Variants in ABI3BP observed in about 807,000 individuals in gnomAD.
ABI3BP encodes ABI family member 3 binding protein, also known as target of Nesh-SH3.
In ABI3BP, 216 loss-of-function variants were observed where a neutral mutation model predicts 268.6. The observed-to-expected ratio is 0.80, with a 90% CI of 0.72 to 0.90. The LOEUF (loss-of-function observed/expected upper bound fraction) is 0.90. Among genes scored for constraint, ABI3BP ranks in the 40% least tolerant of loss-of-function variants. ABI3BP has a pLI of 0.00. For missense variants in ABI3BP, 2,090 were observed against 2,182.4 expected (o/e 0.96, Z 0.84); for synonymous variants, 730 against 730.0 (o/e 1.00, Z 0.00).
chr3:100,847,756 T>C, intron 18 of ABI3BP, 83 bp from the exon 19 acceptor site: 1 of 1,163,402 alleles, frequency 8.6e-7, no homozygotes, highest in East Asian at 2.3e-5. Flanking sequence ...AATGATCCAT[T>C]TAAAATCCTG....
In ABI3BP at chr3:100,754,836, G is replaced by A. The variant is rs530364099; in HGVS notation, c.4851-145C>T. On this transcript the variant is annotated intron_variant, in intron 63 of 67. Transcript: ENST00000471714. The stretch of plus-strand genomic sequence containing the variant: ...GTAACATATGTTCCAGAAGCAGGTT[G>A]AGGAAAGAAAAATGATTTCTTAGTT... 1.9e-5 allele frequency: 13 copies of A among 690,296 alleles called. No individual in the cohort carries two copies. The South Asian group carries it at 2.4e-4, about 13-fold the overall frequency. The allele number at this position is 690,296 out of a possible 1,614,324, so 42.8% of individuals were successfully genotyped here. A position where few individuals can be genotyped will look rare whatever the true frequency, so the allele number is the denominator to read the frequency against.
At chr3:100,835,760 C>A (rs1389735061) in intron 27 of ABI3BP, 100 bp from the exon 28 acceptor site, 3 of 938,594 alleles carry the variant, frequency 3.2e-6, no homozygotes, top group Admixed American at 2.6e-5. Flanking sequence ...GTTTTAAATA[C>A]ATTTCTGAAC....
chr3:100,916,519 C>T (rs1307768159), intron 2 of ABI3BP, among the ~76,000 whole-genome samples: 1 of 152,162 alleles, frequency 6.6e-6, no homozygotes, highest in Non-Finnish European at 1.5e-5. Context: ...ATTTCTTAAC[C>T]TCTTGGGGAC....
intron 6 of ABI3BP, among the ~76,000 whole-genome samples, chr3:100,877,682 T>A (rs1478452140): frequency 6.6e-6 from 1 of 152,056 alleles, no homozygotes; most frequent in Non-Finnish European, 1.5e-5. Flanking sequence ...CACAGGAGAA[T>A]TAGAGTTGAG....
intron 1 of ABI3BP, among the ~76,000 whole-genome samples, chr3:100,988,162 A>G (rs2092291931): frequency 6.6e-6 from 1 of 152,146 alleles, no homozygotes; most frequent in South Asian, 2.1e-4. Context: ...TCCCATAAGC[A>G]TCAACCACCT....
chr3:100,896,162 TTGTGA>T (rs1238509208), intron 4 of ABI3BP, among the ~76,000 whole-genome samples: 8 of 152,178 alleles, frequency 5.3e-5, no homozygotes, highest in African/African-American at 1.9e-4. Flanking sequence ...ATTTTGAATA[TTGTGA>T]TGTGATGTGC....
intron 27 of ABI3BP, 48 bp from the exon 28 acceptor site, chr3:100,835,708 AAACAAAGTTATTTTG>A: frequency 1.4e-6 from 2 of 1,383,114 alleles, no homozygotes; most frequent in Non-Finnish European, 2.0e-6. Flanking sequence ...AAATACAGAA[AAACAAAGTTATTTTG>A]AAAATGAATC....
chr3:100,842,052 C>G lies in ABI3BP; in HGVS notation c.1724-13G>C. ...TGAGGTTCTGGGGCTGTAATAAAAG[C>G]AAGTAATATCAAAAGCAATGCTGAA... On this transcript the variant is annotated splice_polypyrimidine_tract_variant and intron_variant, in intron 20 of 67. Coordinates refer to ENST00000471714, the MANE Select transcript of ABI3BP (RefSeq NM_001375547.2). 2.0e-6 allele frequency: 3 copies of G among 1,531,136 alleles called. No homozygotes were observed. Among genetic ancestry groups the G allele is most frequent in the Non-Finnish European group, 2.6e-6 (3 of 1,142,630 alleles). 94.8% of individuals were successfully genotyped at this position (1,531,136 alleles called of 1,614,324 possible).
intron 61 of ABI3BP, among the ~76,000 whole-genome samples, chr3:100,774,291 A>T (rs2096638397): frequency 6.6e-6 from 1 of 152,090 alleles, no homozygotes; most frequent in Admixed American, 6.6e-5. Context: ...TTGATTTTGC[A>T]TTATTACGAA....
chr3:100,836,704 T>C (rs558245939), intron 27 of ABI3BP, among the ~76,000 whole-genome samples: 2 of 152,312 alleles, frequency 1.3e-5, no homozygotes, highest in East Asian at 1.9e-4. Context: ...AAAGGACTTT[T>C]GTGAGAAAGA....
chr3:100,819,177 T>A (rs1157662020), intron 40 of ABI3BP, among the ~76,000 whole-genome samples: 2 of 152,160 alleles, frequency 1.3e-5, no homozygotes, highest in Non-Finnish European at 2.9e-5. Context: ...CTTCAAGGAC[T>A]TTCTTCAACT....
chr3:100,886,280 ACTT>A lies in ABI3BP; in HGVS notation c.502_504del (p.Lys168del). On this transcript the variant is annotated inframe_deletion, in exon 5 of 68. Transcript: ENST00000471714. ...GTGGCTGGACAGATTTGAAAAATCC[ACTT>A]CTTTTCTTTATCCTTTTCTCGATAG... 4 of 1,608,616 alleles carry A rather than the reference ACTT, an allele frequency of 2.5e-6. No individual in the cohort carries two copies. Among genetic ancestry groups the A allele is most frequent in the Non-Finnish European group, 3.4e-6 (4 of 1,177,132 alleles).
At chr3:100,844,016 A>G (rs2098739353) in intron 20 of ABI3BP, 1 of 982,784 alleles carries the variant, frequency 1.0e-6, no homozygotes, top group East Asian at 1.1e-4. Flanking sequence ...TCAATTGCAC[A>G]TAAAAACAGT....
intron 6 of ABI3BP, 34 bp from the exon 7 acceptor site, chr3:100,876,594 C>A: frequency 6.3e-7 from 1 of 1,590,800 alleles, no homozygotes; most frequent in South Asian, 1.1e-5. Context: ...ACTTTTGAGT[C>A]ATTGTGAATA....
At chr3:100,860,313 A>G (rs1434698655) in intron 14 of ABI3BP, among the ~76,000 whole-genome samples, 1 of 152,216 alleles carries the variant, frequency 6.6e-6, no homozygotes, top group African/African-American at 2.4e-5. Flanking sequence ...GCAATCACAT[A>G]CTGTACTGTT....
At chr3:100,770,722 G>C in intron 62 of ABI3BP, 21 bp downstream of exon 62, 1 of 1,450,746 alleles carries the variant, frequency 6.9e-7, no homozygotes, top group Middle Eastern at 2.1e-4. Context: ...CACCATAACA[G>C]TCCTCATGCC....
chr3:100,830,085 A>G (rs1435142113), intron 32 of ABI3BP, among the ~76,000 whole-genome samples: 1 of 113,558 alleles, frequency 8.8e-6, no homozygotes, highest in Non-Finnish European at 1.9e-5. Context: ...AAATGGCTAT[A>G]TACATATACA....
At chr3:100,863,730 C>CA (rs917731893) in intron 12 of ABI3BP, 9 of 380,464 alleles carry the variant, frequency 2.4e-5, no homozygotes, top group South Asian at 4.2e-5. Flanking sequence ...AACACATTTA[C>CA]AAAAAATACA....
chr3:100,754,514 A>G (rs1266905479), intron 64 of ABI3BP, 98 bp downstream of exon 64: 1 of 1,159,484 alleles, frequency 8.6e-7, no homozygotes, highest in African/African-American at 1.6e-5. Flanking sequence ...TTCAAGAAAC[A>G]GTACATGTAG....
Sources: allele counts gnomAD v4.1 joint callset (sites outside exome capture counted in the v4.1 genomes callset), GRCh38; gene constraint gnomAD v4.1.1; transcripts MANE v1.5; gene names NCBI Gene and HGNC (gene_info 2026-07-23, HGNC 2026-07-21).